Variants in SLAMF1 observed in about 807,000 individuals in gnomAD.
The protein encoded by SLAMF1 is signaling lymphocytic activation molecule family member 1, also known as signaling lymphocytic activation molecule.
In SLAMF1, 18 loss-of-function variants were observed where a neutral mutation model predicts 35.1. The observed-to-expected ratio is 0.51, with a 90% CI of 0.35 to 0.76. The LOEUF (loss-of-function observed/expected upper bound fraction) is 0.76. SLAMF1 is among the 30% of genes least tolerant of loss of function. The pLI, the probability that SLAMF1 is intolerant of heterozygous loss-of-function variation, is 0.01. For missense variants in SLAMF1, 392 were observed against 413.0 expected, an observed-to-expected ratio of 0.95 and a Z score of 0.44; for synonymous variants, 168 against 157.2, an observed-to-expected ratio of 1.07 and a Z score of -0.51.
intron 5 of SLAMF1, among the ~76,000 whole-genome samples, chr1:160,618,825 A>AT (rs1418810265): frequency 6.6e-6 from 1 of 152,168 alleles, no homozygotes; most frequent in African/African-American, 2.4e-5. Flanking sequence ...CTGGTTACCT[A>AT]AACAGGCAGA....
intron 3 of SLAMF1, among the ~76,000 whole-genome samples, chr1:160,631,240 T>C (rs1660148984): frequency 6.6e-6 from 1 of 152,232 alleles, no homozygotes; most frequent in Non-Finnish European, 1.5e-5. Flanking sequence ...GGCAATCTGG[T>C]ATACTGCGCA....
intron 5 of SLAMF1, among the ~76,000 whole-genome samples, chr1:160,613,021 A>T (rs1401963108): frequency 2.6e-5 from 4 of 152,114 alleles, no homozygotes; most frequent in African/African-American, 9.7e-5. Context: ...ATGTCTTCTC[A>T]TTTGCCTCAC....
intron 5 of SLAMF1, among the ~76,000 whole-genome samples, chr1:160,616,932 G>C (rs1272658286): frequency 3.9e-5 from 6 of 152,100 alleles, no homozygotes; most frequent in South Asian, 4.1e-4. Context: ...GAGGCGGGCA[G>C]ATCTCCTGAG....
intron 2 of SLAMF1, 173 bp downstream of exon 2, chr1:160,637,018 A>T (rs188267538): frequency 2.5e-4 from 148 of 597,822 alleles, no homozygotes; most frequent in African/African-American, 2.3e-3. Context: ...TGGAAAAAAA[A>T]ATGTCAACCT....
At position 160,637,634 on chromosome 1, in the gene SLAMF1, G is replaced by C. The variant is rs573482363; in HGVS notation, c.77-105C>G. 3.3e-4 allele frequency: 266 copies of C among 808,480 alleles called. 2 individuals carry two copies. The African/African-American group carries it at 4.0e-3, about 12-fold the overall frequency. The allele number at this position is 808,480 out of a possible 1,614,324, so 50.1% of individuals were successfully genotyped here. ...CTGGAGGCTCTCCCTCTTCCTCTTTGGCTATCCCTGGGGTTGCCAAGTCCT... is the reference window on the plus strand; with the variant it reads ...CTGGAGGCTCTCCCTCTTCCTCTTTCGCTATCCCTGGGGTTGCCAAGTCCT... On this transcript the variant is annotated intron_variant, in intron 1 of 6. Coordinates refer to ENST00000302035, the MANE Select transcript of SLAMF1 (RefSeq NM_003037.5).
chr1:160,618,077 C>CA (rs1387038772), intron 5 of SLAMF1, among the ~76,000 whole-genome samples: 1 of 64,364 alleles, frequency 1.6e-5, no homozygotes, highest in Non-Finnish European at 5.0e-5. Context: ...TGTCAAAAAA[C>CA]AAAAAACAAA....
chr1:160,636,936 C>T (rs747405944), intron 2 of SLAMF1: 1 of 492,390 alleles, frequency 2.0e-6, no homozygotes, highest in Non-Finnish European at 3.6e-6. Flanking sequence ...CCACAAGGAG[C>T]TGTGCCCCTT....
chr1:160,634,866 T>C lies in SLAMF1; in HGVS notation c.447A>G (p.Leu149=). 6.2e-7 allele frequency: 1 copy of C among 1,613,366 alleles called. No homozygotes were observed. The highest frequency in any genetic ancestry group is 1.1e-5 in the South Asian group (1 of 91,064). ...EQVSTPEIKV[L]NKTQENGTCT... ...AGGTCCCGTTCTCCTGGGTCTTGTTTAAAACTTTAATTTCTGGAGTGGAGA... is the reference window on the plus strand; with the variant it reads ...AGGTCCCGTTCTCCTGGGTCTTGTTCAAAACTTTAATTTCTGGAGTGGAGA... Residue 149 remains leucine, a synonymous_variant, in exon 3 of 7, where the codon TTA becomes TTG. Transcript: ENST00000302035.
At chr1:160,640,385 TATACACACACACATACATATATATATAC>T (rs1571012790) in intron 1 of SLAMF1, among the ~76,000 whole-genome samples, 1 of 146,152 alleles carries the variant, frequency 6.8e-6, no homozygotes, top group East Asian at 2.0e-4. Context: ...CATATATATA[TATACACACACACATACATATATATATAC>T]ATACACATAT....
At chr1:160,638,442 G>A (rs536304427) in intron 1 of SLAMF1, among the ~76,000 whole-genome samples, 10 of 152,094 alleles carry the variant, frequency 6.6e-5, no homozygotes, top group African/African-American at 1.2e-4. Context: ...GCTTTGTTTC[G>A]GCAATTGCCT....
In SLAMF1 at chr1:160,610,466, T is replaced by C. The variant is rs183398134; in HGVS notation, c.*282A>G. 6 of 509,808 alleles carry C rather than the reference T, an allele frequency of 1.2e-5. No individual in the cohort carries two copies. Among genetic ancestry groups the C allele is most frequent in the Admixed American group, 5.0e-5 (2 of 40,048 alleles). 31.6% of individuals were successfully genotyped at this position (509,808 alleles called of 1,614,324 possible). On this transcript the variant is annotated 3_prime_UTR_variant, in exon 7 of 7. Transcript: ENST00000302035. ...TGCCCAAAGTCTGAACTCACATTAC[T>C]GTCCATTTCATCTGCTACAACACAA...
intron 2 of SLAMF1, among the ~76,000 whole-genome samples, chr1:160,636,379 G>T (rs1660456856): frequency 6.6e-6 from 1 of 152,174 alleles, no homozygotes; most frequent in South Asian, 2.1e-4. Context: ...TGCTGGTTAG[G>T]TGGGAATTCC....
intron 6 of SLAMF1, among the ~76,000 whole-genome samples, chr1:160,611,811 T>C (rs1402155011): frequency 6.6e-6 from 1 of 152,036 alleles, no homozygotes; most frequent in Non-Finnish European, 1.5e-5. Flanking sequence ...CTGCACAGAG[T>C]CTAGGCATGA....
chr1:160,615,704 A>G, intron 5 of SLAMF1: 1 of 330,038 alleles, frequency 3.0e-6, no homozygotes. Flanking sequence ...ACAGATGTCA[A>G]GATAAGGATT....
intron 6 of SLAMF1, among the ~76,000 whole-genome samples, chr1:160,611,688 GA>G (rs1658996209): frequency 6.6e-6 from 1 of 152,202 alleles, no homozygotes; most frequent in South Asian, 2.1e-4. Flanking sequence ...AGTCCCTGCT[GA>G]TCTTGCAATA....
Position 160,612,544 on chromosome 1 carries a change from C to T in SLAMF1, c.901G>A (p.Asp301Asn), listed in dbSNP as rs760706977. 6.2e-7 allele frequency: 1 copy of T among 1,613,204 alleles called. No homozygotes were observed. Among genetic ancestry groups the T allele is most frequent in the East Asian group, 2.2e-5 (1 of 44,824 alleles). The change falls in exon 6 of 7, where the codon GAC becomes AAC. Residue 301 changes from aspartate to asparagine, a missense_variant. Coordinates refer to ENST00000302035, the MANE Select transcript of SLAMF1 (RefSeq NM_003037.5). ...GCAACATATATGGTGGTGCAAGGGT[C>T]CTGAGCTGGGAAGGAGTCAAGTTTC... ...QKKLDSFPAQ[D>N]PCTTIYVAAT...
intron 5 of SLAMF1, among the ~76,000 whole-genome samples, 178 bp from the exon 6 acceptor site, chr1:160,612,758 C>T (rs1659072020): frequency 1.3e-5 from 2 of 152,140 alleles, no homozygotes; most frequent in South Asian, 2.1e-4. Context: ...ACTCAATTCC[C>T]CAGGCTTTGC....
chr1:160,641,368 A>C (rs188309515), intron 1 of SLAMF1, among the ~76,000 whole-genome samples: 54 of 152,150 alleles, frequency 3.5e-4, no homozygotes, highest in African/African-American at 1.3e-3. Flanking sequence ...TTCCCCACCT[A>C]ACCTTGCACA....
Position 160,637,544 on chromosome 1 carries a change from A to T in SLAMF1, c.77-15T>A. 3 of 1,583,358 alleles carry T rather than the reference A, an allele frequency of 1.9e-6. No individual in the cohort carries two copies. Among genetic ancestry groups the T allele is most frequent in the Non-Finnish European group, 2.6e-6 (3 of 1,161,734 alleles). On this transcript the variant is annotated splice_polypyrimidine_tract_variant and intron_variant, in intron 1 of 6. Coordinates refer to ENST00000302035, the MANE Select transcript of SLAMF1 (RefSeq NM_003037.5). ...CATGCGCCCACCTGTGGGAGGGAGG[A>T]GAAGAGAGTCCCTTATTATTAAGGC...
Sources: gnomAD v4.1 joint callset for allele counts (sites outside exome capture counted in the v4.1 genomes callset) on GRCh38, gnomAD v4.1.1 for gene constraint, MANE v1.5 for transcripts, NCBI Gene and HGNC (gene_info 2026-07-23, HGNC 2026-07-21) for gene names.